R3HDM4: variants seen among roughly 807,000 people sequenced by gnomAD.
The protein encoded by R3HDM4 is R3H domain containing 4.
R3HDM4 carries 30 observed loss-of-function variants against 31.3 expected under a neutral mutation model. That is an observed-to-expected ratio of 0.96 (90% confidence interval 0.72 to 1.30). The LOEUF is 1.30. R3HDM4 is among the 50% of genes most tolerant of loss of function. The probability of loss-of-function intolerance (pLI) is 0.00; values close to 1 mark genes in which losing one functional copy is unlikely to be tolerated. For synonymous variants in R3HDM4, 196 were observed against 156.6 expected (o/e 1.25, Z -1.88); for missense variants, 444 against 366.1 (o/e 1.21, Z -1.74).
intron 3 of R3HDM4, 158 bp from the exon 4 acceptor site, chr19:901,110 G>T (rs1423150220): frequency 2.0e-6 from 2 of 995,854 alleles, no homozygotes; most frequent in South Asian, 1.8e-5. Context: ...GCCCTGAGCT[G>T]AGCGCAGGGA....
At chr19:902,168 C>G (rs767425037) in intron 1 of R3HDM4, 38 bp from the exon 2 acceptor site, 192 of 1,606,080 alleles carry the variant, frequency 1.2e-4, no homozygotes, top group Middle Eastern at 3.5e-4. Context: ...AGGGTCAAGG[C>G]CGGCCAGGAT....
chr19:901,458 G>A lies in R3HDM4; in HGVS notation c.315C>T (p.Ile105=). ...GDLAPPASPG[I]FAEACNNATY... The stretch of plus-strand genomic sequence containing the variant: ...TGGCGTTGTTGCAGGCCTCGGCAAA[G>A]ATGCCTGGTGATGCAGGGGGTGCCA... The change falls in exon 3 of 8, where the codon ATC becomes ATT. Residue 105 remains isoleucine (I), a synonymous_variant. Coordinates refer to ENST00000361574, the MANE Select transcript of R3HDM4 (RefSeq NM_138774.4). 6.2e-7 allele frequency: 1 copy of A among 1,609,084 alleles called. No homozygotes were observed. Among genetic ancestry groups the A allele is most frequent in the Non-Finnish European group, 8.5e-7 (1 of 1,179,608 alleles).
At chr19:903,231 C>A (rs1299255717) in intron 1 of R3HDM4, among the ~76,000 whole-genome samples, 1 of 150,040 alleles carries the variant, frequency 6.7e-6, no homozygotes, top group Admixed American at 6.6e-5. Flanking sequence ...TGCCTCAGCC[C>A]CCCCCGCAAA....
intron 1 of R3HDM4, among the ~76,000 whole-genome samples, chr19:904,311 C>T (rs1436624085): frequency 6.6e-6 from 1 of 152,162 alleles, no homozygotes; most frequent in African/African-American, 2.4e-5. Context: ...TGGCTGTAAC[C>T]CCCACCGCCG....
intron 7 of R3HDM4, among the ~76,000 whole-genome samples, chr19:898,419 A>G (rs1467957419): frequency 5.4e-5 from 8 of 147,896 alleles, no homozygotes; most frequent in Admixed American, 1.3e-4. Flanking sequence ...AAAAAAAAAA[A>G]AAAGAAACCC....
rs1464452659 is a variant in R3HDM4, at chr19:899,110, C to T, written c.703+330G>A. 6.6e-6 allele frequency among the ~76,000 whole-genome samples: 1 copy of T among 152,098 alleles called. No individual in the cohort carries two copies. Among genetic ancestry groups the T allele is most frequent in the Non-Finnish European group, 1.5e-5 (1 of 68,010 alleles). On this transcript the variant is annotated intron_variant, in intron 7 of 7. Transcript: ENST00000361574. This position sits in a 1 kb window ranked among gnomAD's most constrained non-coding sequence, Gnocchi z 6.8. ...ATGCAAACCTTCCAGACACTGCGTC[C>T]CCCCATCTTATCTCTGGCTCTGGGA...
chr19:909,479 A>G (rs757646279), intron 1 of R3HDM4, among the ~76,000 whole-genome samples: 2 of 152,102 alleles, frequency 1.3e-5, no homozygotes, highest in African/African-American at 2.4e-5. Context: ...ACATAGTTAC[A>G]TAGGAGTCAC....
intron 1 of R3HDM4, among the ~76,000 whole-genome samples, chr19:911,872 G>T (rs2036974978): frequency 6.6e-6 from 1 of 151,964 alleles, no homozygotes; most frequent in South Asian, 2.1e-4. Context: ...ACCCAAAGGA[G>T]AGCAAGGAGC....
chr19:901,640 C>A, intron 2 of R3HDM4, 94 bp from the exon 3 acceptor site: 2 of 1,475,352 alleles, frequency 1.4e-6, no homozygotes, highest in South Asian at 1.3e-5. Context: ...CCTTTTTTAT[C>A]ATCTCAACCT....
At position 899,068 on chromosome 19, in the gene R3HDM4, G is replaced by C. The variant is rs1289146263; in HGVS notation, c.703+372C>G. Among the ~76,000 whole-genome samples the C allele has an allele frequency of 6.6e-6, 1 of 152,094 alleles. No individual in the cohort carries two copies. The highest frequency in any genetic ancestry group is 1.5e-5 in the Non-Finnish European group (1 of 68,000). ...CCTGAGGTCCCACGTGTGGTATGTG[G>C]GAGGCCTTAGAGTTAAATGCAAACC... On this transcript the variant is annotated intron_variant, in intron 7 of 7. Coordinates refer to ENST00000361574, the MANE Select transcript of R3HDM4 (RefSeq NM_138774.4). This position sits in a 1 kb window ranked among gnomAD's most constrained non-coding sequence, Gnocchi z 6.8.
Position 913,049 on chromosome 19 carries a change from C to A in R3HDM4, c.71+38G>T. ...ATCTCAGGGGAGGGAGCCCAGCCCGCCCCCGGCGCCCGCCGCGCCCCGCCC... is the reference window on the plus strand; with the variant it reads ...ATCTCAGGGGAGGGAGCCCAGCCCGACCCCGGCGCCCGCCGCGCCCCGCCC... On this transcript the variant is annotated intron_variant, in intron 1 of 7. Transcript: ENST00000361574. The surrounding 1 kb of genome is among the most constrained non-coding windows in gnomAD (Gnocchi z 5.0). 1.1e-6 allele frequency: 1 copy of A among 875,936 alleles called. No homozygotes were observed. 54.3% of individuals were successfully genotyped at this position (875,936 alleles called of 1,614,324 possible).
In R3HDM4 at chr19:913,201, A is replaced by T. The variant is rs1174160101; in HGVS notation, c.-44T>A. The stretch of plus-strand genomic sequence containing the variant: ...GCCGCCGCCGCCCGGCAGGGCCTTC[A>T]CCGGGCCGGGCAGGAAGTGACGGGC... On this transcript the variant is annotated 5_prime_UTR_variant, in exon 1 of 8. Coordinates refer to ENST00000361574, the MANE Select transcript of R3HDM4 (RefSeq NM_138774.4). This position sits in a 1 kb window ranked among gnomAD's most constrained non-coding sequence, Gnocchi z 5.0. The T allele has an allele frequency of 8.5e-6, 9 of 1,053,996 alleles. No homozygotes were observed. The East Asian group carries it at 4.5e-4, about 53-fold the overall frequency. 65.3% of individuals were successfully genotyped at this position (1,053,996 alleles called of 1,614,324 possible).
rs1026293759 is a variant in R3HDM4 at position 907,038 on chromosome 19, C to T, written c.72-4908G>A. ...ACCATGTTGGCAGGCTGGTCTTGAA[C>T]TCCTGACCTTAAGTGATCCGCCTGC... On this transcript the variant is annotated intron_variant, in intron 1 of 7. Coordinates refer to ENST00000361574, the MANE Select transcript of R3HDM4 (RefSeq NM_138774.4). The surrounding 1 kb of genome is among the most constrained non-coding windows in gnomAD (Gnocchi z 4.1). Among the ~76,000 whole-genome samples, 4 of 151,934 alleles carry T rather than the reference C, an allele frequency of 2.6e-5. No homozygotes were observed. Among genetic ancestry groups the T allele is most frequent in the African/African-American group, 4.8e-5 (2 of 41,330 alleles).
intron 1 of R3HDM4, among the ~76,000 whole-genome samples, chr19:904,940 C>G (rs1050916598): frequency 6.6e-6 from 1 of 152,222 alleles, no homozygotes; most frequent in African/African-American, 2.4e-5. Context: ...GGCGTGGTGG[C>G]TCACACCTGT....
rs2145299643 is a variant in R3HDM4 at position 907,561 on chromosome 19, C to T, written c.72-5431G>A. The stretch of plus-strand genomic sequence containing the variant: ...GGAGAGGTGGGGCTGTCCCCCGTCA[C>T]CACCCAGACAATGCAAGGAGCTGGA... On this transcript the variant is annotated intron_variant, in intron 1 of 7. Coordinates refer to ENST00000361574, the MANE Select transcript of R3HDM4 (RefSeq NM_138774.4). This position sits in a 1 kb window ranked among gnomAD's most constrained non-coding sequence, Gnocchi z 4.1. Among the ~76,000 whole-genome samples, 1 of 152,306 alleles carries T rather than the reference C, an allele frequency of 6.6e-6. No homozygotes were observed. The highest frequency in any genetic ancestry group is 2.1e-4 in the South Asian group (1 of 4,824).
At chr19:911,803 G>A (rs2036974304) in intron 1 of R3HDM4, among the ~76,000 whole-genome samples, 1 of 152,072 alleles carries the variant, frequency 6.6e-6, no homozygotes, top group Admixed American at 6.5e-5. Context: ...CGGGTCCCCC[G>A]GGAAGGACGC....
In R3HDM4 at chr19:899,487, C is replaced by T; in HGVS notation, c.656G>A (p.Arg219Lys). The change falls in exon 7 of 8, where the codon AGG becomes AAG. Residue 219 changes from arginine to lysine, a missense_variant. Arg to Lys is a conservative substitution (Grantham distance 26, BLOSUM62 2). Transcript: ENST00000361574. This position sits in a 1 kb window ranked among gnomAD's most constrained non-coding sequence, Gnocchi z 6.8. ...CTGGCAGACAGCGTGCAGCAGAAGC[C>T]TCTCGAAGCTGTGGGGAACGGGCAG... is the stretch of plus-strand genomic sequence containing the variant. ...YTAMLDNSFE[R>K]LLLHAVCQYM... 6.2e-7 allele frequency: 1 copy of T among 1,613,770 alleles called. No homozygotes were observed. The highest frequency in any genetic ancestry group is 8.5e-7 in the Non-Finnish European group (1 of 1,179,968).
chr19:901,234 G>A, intron 3 of R3HDM4, 188 bp downstream of exon 3: 2 of 702,462 alleles, frequency 2.8e-6, no homozygotes, highest in Non-Finnish European at 4.6e-6. Flanking sequence ...CCAGGAGCTC[G>A]AAGGTTCCAG....
chr19:904,188 T>A (rs1161264670), intron 1 of R3HDM4, among the ~76,000 whole-genome samples: 1 of 152,120 alleles, frequency 6.6e-6, no homozygotes, highest in Non-Finnish European at 1.5e-5. Context: ...CCACCCCACC[T>A]GAAACACATT....
Sources: gnomAD v4.1 joint callset for allele counts (sites outside exome capture counted in the v4.1 genomes callset) on GRCh38, gnomAD v4.1.1 for gene constraint, Gnocchi (gnomAD v3.1) non-coding constraint, MANE v1.5 for transcripts, NCBI Gene and HGNC (gene_info 2026-07-23, HGNC 2026-07-21) for gene names.